The following PDZRN3 variants were observed in gnomAD, a reference collection of about 807,000 sequenced individuals.
PDZRN3 encodes PDZ domain containing ring finger 3.
A neutral mutation model predicts 85.7 loss-of-function variants in PDZRN3; 38 were observed. The observed-to-expected ratio is 0.44, with a 90% CI of 0.34 to 0.58. The LOEUF (loss-of-function observed/expected upper bound fraction) is 0.58. Ranked by LOEUF, PDZRN3 falls within the 20% of genes least tolerant of loss-of-function variation. PDZRN3 has a pLI of 0.01. For synonymous variants in PDZRN3, 759 were observed against 638.0 expected (o/e 1.19, Z -2.86); for missense variants, 1,629 against 1,506.4 (o/e 1.08, Z -1.35).
intron 3 of PDZRN3, among the ~76,000 whole-genome samples, chr3:73,475,544 A>AT (rs1465818428): frequency 6.6e-6 from 1 of 152,232 alleles, no homozygotes; most frequent in Non-Finnish European, 1.5e-5. Flanking sequence ...AAAAATAAAC[A>AT]TTCTTGAGAA....
chr3:73,442,531 C>T (rs369715997), intron 3 of PDZRN3, among the ~76,000 whole-genome samples: 2 of 152,158 alleles, frequency 1.3e-5, no homozygotes, highest in South Asian at 2.1e-4. Context: ...AAAAATGTTA[C>T]GAGGAACACT....
chr3:73,429,713 G>A (rs1702391055), intron 3 of PDZRN3, among the ~76,000 whole-genome samples: 1 of 152,200 alleles, frequency 6.6e-6, no homozygotes, highest in Admixed American at 6.5e-5. Flanking sequence ...ACAACTTCAA[G>A]TGCCATAAGA....
At chr3:73,533,578 G>A (rs1704709971) in intron 3 of PDZRN3, among the ~76,000 whole-genome samples, 1 of 151,786 alleles carries the variant, frequency 6.6e-6, no homozygotes, top group Non-Finnish European at 1.5e-5. Context: ...AACAAGAGTG[G>A]CCTAGGGGAT....
chr3:73,605,927 A>T (rs1398142124), intron 2 of PDZRN3, among the ~76,000 whole-genome samples: 1 of 152,248 alleles, frequency 6.6e-6, no homozygotes, highest in Non-Finnish European at 1.5e-5. Flanking sequence ...CACCTTTTGT[A>T]AAAAAGAAAA....
chr3:73,513,500 A>C (rs1486147795), intron 3 of PDZRN3, among the ~76,000 whole-genome samples: 2 of 152,230 alleles, frequency 1.3e-5, no homozygotes, highest in African/African-American at 4.8e-5. Context: ...GACCCTGGCC[A>C]GTTAAGAAGT....
intron 3 of PDZRN3, among the ~76,000 whole-genome samples, chr3:73,477,007 A>C (rs1213726185): frequency 2.0e-5 from 3 of 152,220 alleles, no homozygotes; most frequent in Non-Finnish European, 2.9e-5. Flanking sequence ...AGATAACTAC[A>C]GTAACTACCA....
intron 3 of PDZRN3, among the ~76,000 whole-genome samples, chr3:73,543,349 G>A (rs1363596276): frequency 6.6e-6 from 1 of 152,198 alleles, no homozygotes; most frequent in Non-Finnish European, 1.5e-5. Flanking sequence ...AAGCAAAAAG[G>A]TAGCTTCTGC....
chr3:73,410,448 A>G (rs183057196), intron 3 of PDZRN3, among the ~76,000 whole-genome samples: 45 of 152,326 alleles, frequency 3.0e-4, no homozygotes, highest in Admixed American at 7.8e-4. Flanking sequence ...GTTGGGTTCT[A>G]GTTGGGACCT....
intron 3 of PDZRN3, among the ~76,000 whole-genome samples, chr3:73,553,775 AG>A (rs1701623564): frequency 6.6e-6 from 1 of 152,160 alleles, no homozygotes; most frequent in Non-Finnish European, 1.5e-5. Flanking sequence ...CCAAGGTGAC[AG>A]GGAGTACCTT....
intron 3 of PDZRN3, among the ~76,000 whole-genome samples, chr3:73,572,455 T>C (rs529172027): frequency 2.6e-5 from 4 of 152,338 alleles, no homozygotes; most frequent in South Asian, 2.1e-4. Context: ...TTAGCATCCA[T>C]TGGTTCCTTG....
At chr3:73,488,808 A>G (rs1349122159) in intron 3 of PDZRN3, among the ~76,000 whole-genome samples, 1 of 152,166 alleles carries the variant, frequency 6.6e-6, no homozygotes, top group Non-Finnish European at 1.5e-5. Context: ...TGTAAGTGAA[A>G]TTTGATGGGA....
intron 1 of PDZRN3, among the ~76,000 whole-genome samples, chr3:73,612,464 A>G (rs963158200): frequency 2.0e-5 from 3 of 152,206 alleles, no homozygotes; most frequent in South Asian, 4.1e-4. Flanking sequence ...GGACTATGCA[A>G]TAATAATTGC....
intron 3 of PDZRN3, among the ~76,000 whole-genome samples, chr3:73,515,529 A>G (rs1021129100): frequency 1.3e-5 from 2 of 152,134 alleles, no homozygotes; most frequent in East Asian, 1.9e-4. Context: ...CCCAACTCCA[A>G]AAAGTTCCTA....
chr3:73,382,854 G>C lies in PDZRN3; in HGVS notation c.*511C>G, dbSNP rs1407009708. ...TATGTATTAAATCGTTAACCACCGG[G>C]TTGGGTGGTTTTGAGTTGAAACCTT... On this transcript the variant is annotated 3_prime_UTR_variant, in exon 10 of 10. Coordinates refer to ENST00000263666, the MANE Select transcript of PDZRN3 (RefSeq NM_015009.3). 1 of 154,440 alleles carries C rather than the reference G, an allele frequency of 6.5e-6. No individual in the cohort carries two copies. Among genetic ancestry groups the C allele is most frequent in the Non-Finnish European group, 1.4e-5 (1 of 69,198 alleles). 9.6% of individuals were successfully genotyped at this position (154,440 alleles called of 1,614,324 possible).
At chr3:73,496,052 C>G (rs1236994406) in intron 3 of PDZRN3, among the ~76,000 whole-genome samples, 2 of 151,406 alleles carry the variant, frequency 1.3e-5, no homozygotes, top group Non-Finnish European at 2.9e-5. Flanking sequence ...CAAAGTACAG[C>G]CTGAAAGACT....
chr3:73,421,038 T>G (rs545741076), intron 3 of PDZRN3, among the ~76,000 whole-genome samples: 16 of 152,352 alleles, frequency 1.1e-4, no homozygotes, highest in African/African-American at 3.4e-4. Context: ...AACATAGTAC[T>G]GGCATGTGGC....
intron 3 of PDZRN3, among the ~76,000 whole-genome samples, chr3:73,550,300 C>T (rs530831801): frequency 6.6e-5 from 10 of 152,234 alleles, no homozygotes; most frequent in Middle Eastern, 6.8e-3. Context: ...CAGTGGCCTG[C>T]GTTTTAACAG....
In PDZRN3 at chr3:73,549,728, G is replaced by A. The variant is rs548448556; in HGVS notation, c.918+52626C>T. On this transcript the variant is annotated intron_variant, in intron 3 of 9. Coordinates refer to ENST00000263666, the MANE Select transcript of PDZRN3 (RefSeq NM_015009.3). ...CTCATCACAGGCAGTACATTCTACT[G>A]TTAAACTGCCCTCTTTAGGGGATCA... 9.2e-5 allele frequency among the ~76,000 whole-genome samples: 14 copies of A among 152,332 alleles called. 1 individual carries two copies. In the South Asian group the frequency reaches 2.7e-3, roughly 29 times the overall value.
At chr3:73,587,469 T>A (rs1319281865) in intron 3 of PDZRN3, among the ~76,000 whole-genome samples, 1 of 152,208 alleles carries the variant, frequency 6.6e-6, no homozygotes, top group East Asian at 1.9e-4. Flanking sequence ...CGGACAAATG[T>A]ACATACAGTA....
Sources: allele counts gnomAD v4.1 joint callset (sites outside exome capture counted in the v4.1 genomes callset), GRCh38; gene constraint gnomAD v4.1.1; transcripts MANE v1.5; gene names NCBI Gene and HGNC (gene_info 2026-07-23, HGNC 2026-07-21).